The following AKAP1 variants were observed in gnomAD, a reference collection of about 807,000 sequenced individuals.
The protein encoded by AKAP1 is A-kinase anchor protein 1, mitochondrial.
In AKAP1, 32 loss-of-function variants were observed where a neutral mutation model predicts 79.8. That is an observed-to-expected ratio of 0.40 (90% CI 0.30 to 0.54). The LOEUF (loss-of-function observed/expected upper bound fraction) is 0.54, where lower values mean the gene tolerates loss of function less well. AKAP1 is among the 20% of genes least tolerant of loss of function. The pLI, the probability that AKAP1 is intolerant of heterozygous loss-of-function variation, is 0.47. For missense variants in AKAP1, 961 were observed against 1,138.9 expected (o/e 0.84, Z 2.25); for synonymous variants, 416 against 466.7 (o/e 0.89, Z 1.40).
At chr17:57,087,753 A>G (rs1913548521) in intron 1 of AKAP1, among the ~76,000 whole-genome samples, 1 of 152,206 alleles carries the variant, frequency 6.6e-6, no homozygotes. Context: ...TTTGGGAGGA[A>G]AAACGAATTG....
intron 10 of AKAP1, 47 bp from the exon 11 acceptor site, chr17:57,120,203 C>T: frequency 6.4e-7 from 1 of 1,571,982 alleles, no homozygotes; most frequent in Non-Finnish European, 8.7e-7. Flanking sequence ...AGGGAGATGG[C>T]CCCAGGATGC....
rs755414007 is a variant in AKAP1, at chr17:57,120,250, G to A, written c.2638G>A (p.Val880Met). The A allele has an allele frequency of 6.2e-7, 1 of 1,612,560 alleles. No homozygotes were observed. Among genetic ancestry groups the A allele is most frequent in the Non-Finnish European group, 8.5e-7 (1 of 1,179,454 alleles). The stretch of plus-strand genomic sequence containing the variant: ...GCTTTAAGGGAACTTTCTTTTCTAG[G>A]TGGTGTTGATAAACCGGTCCCTGGT... ...IQLWSVVGDE[V>M]VLINRSLVER... The change falls in exon 11 of 11, where the codon GTG becomes ATG. Residue 880 changes from valine to methionine, a missense_variant and splice_region_variant. This residue lies in a region of AKAP1 where 629 missense variants were observed against 781.1 expected (regional missense o/e 0.81). Coordinates refer to ENST00000337714, the MANE Select transcript of AKAP1 (RefSeq NM_003488.4).
chr17:57,116,529 C>G (rs992792398), intron 7 of AKAP1, among the ~76,000 whole-genome samples: 1 of 152,188 alleles, frequency 6.6e-6, no homozygotes, highest in Non-Finnish European at 1.5e-5. Flanking sequence ...CAAATCCCAG[C>G]GCTTTGGGAG....
In AKAP1 at chr17:57,114,477, A is replaced by C; in HGVS notation, c.2122A>C (p.Ile708Leu). ...TCTACAGCTCATGCTGCCTGATGGCATCACCGTGGAGGTCATTGTGGTCAA... is the reference window on the plus strand; with the variant it reads ...TCTACAGCTCATGCTGCCTGATGGCCTCACCGTGGAGGTCATTGTGGTCAA... ...MTSWLMLPDGITVEVIVVNQV... is the reference protein window; with the variant it reads ...MTSWLMLPDGLTVEVIVVNQV... The change falls in exon 6 of 11, where the codon ATC becomes CTC. Residue 708 changes from isoleucine (I) to leucine (L), a missense_variant. Coordinates refer to ENST00000337714, the MANE Select transcript of AKAP1 (RefSeq NM_003488.4). 2.5e-6 allele frequency: 4 copies of C among 1,614,102 alleles called. No individual in the cohort carries two copies. Among genetic ancestry groups the C allele is most frequent in the Non-Finnish European group, 3.4e-6 (4 of 1,180,020 alleles).
chr17:57,118,358 C>T (rs201559689), intron 8 of AKAP1, 23 bp from the exon 9 acceptor site: 67 of 1,613,086 alleles, frequency 4.2e-5, no homozygotes, highest in African/African-American at 2.8e-4. Flanking sequence ...GCCTAAATGC[C>T]GCTTTTCCTT....
chr17:57,100,389 C>T (rs372581242), intron 1 of AKAP1, among the ~76,000 whole-genome samples: 1 of 152,062 alleles, frequency 6.6e-6, no homozygotes, highest in Admixed American at 6.5e-5. Context: ...AGTTCGAGCC[C>T]AGCCTGGCCA....
In AKAP1 at chr17:57,116,203, C is replaced by G. The variant is rs1340738647; in HGVS notation, c.2374C>G (p.Arg792Gly). 1 of 1,614,174 alleles carries G rather than the reference C, an allele frequency of 6.2e-7. No individual in the cohort carries two copies. The highest frequency in any genetic ancestry group is 1.1e-5 in the South Asian group (1 of 91,088). The change falls in exon 7 of 11, where the codon CGA (arginine) becomes GGA (glycine). Residue 792 changes from arginine (R) to glycine (G), a missense_variant. This residue lies in a region of AKAP1 where 629 missense variants were observed against 781.1 expected (regional missense o/e 0.81). Coordinates refer to ENST00000337714, the MANE Select transcript of AKAP1 (RefSeq NM_003488.4). ...CGAGGAGACCAACGAAGTGGAGATT[C>G]GATACGTGGACTACGGCGGATATAA... is the stretch of plus-strand genomic sequence containing the variant. Reference protein sequence around the residue: ...SYEETNEVEIRYVDYGGYKRV... With the variant: ...SYEETNEVEIGYVDYGGYKRV...
chr17:57,109,874 T>A (rs1281579254), intron 2 of AKAP1, 151 bp from the exon 3 acceptor site: 1 of 1,025,902 alleles, frequency 9.7e-7, no homozygotes. Flanking sequence ...GTTCTGAGCC[T>A]TCTAGACTGT....
At chr17:57,103,180 C>T (rs980310554) in intron 1 of AKAP1, among the ~76,000 whole-genome samples, 3 of 152,232 alleles carry the variant, frequency 2.0e-5, no homozygotes, top group Admixed American at 1.3e-4. Context: ...CACTGCCTAG[C>T]CCTGCATTGT....
chr17:57,092,270 C>T (rs1308696029), intron 1 of AKAP1: 1 of 152,234 alleles, frequency 6.6e-6, no homozygotes, highest in Admixed American at 6.5e-5. Flanking sequence ...CTCCTTCCCT[C>T]TAACTTGGAG....
intron 1 of AKAP1, among the ~76,000 whole-genome samples, chr17:57,089,634 G>C (rs1022468535): frequency 2.6e-5 from 4 of 152,086 alleles, no homozygotes; most frequent in Non-Finnish European, 4.4e-5. Context: ...AACTCTAAAA[G>C]CTTAATTGTC....
Position 57,118,454 on chromosome 17 carries a change from G to C in AKAP1, c.2574G>C (p.Gln858His). The change falls in exon 9 of 11, where the codon CAG (glutamine) becomes CAC (histidine). Residue 858 changes from glutamine to histidine, a missense_variant and splice_region_variant. This residue lies in a region of AKAP1 where 629 missense variants were observed against 781.1 expected (regional missense o/e 0.81). Coordinates refer to ENST00000337714, the MANE Select transcript of AKAP1 (RefSeq NM_003488.4). ...CGGGGAATACAGCACTGCTTGCTCA[G>C]GTGTGTGGTTGGCAGGGGTGGGGGA... ...EMTGNTALLAQVTSYSPTGLP... is the reference protein window; with the variant it reads ...EMTGNTALLAHVTSYSPTGLP... 6.2e-7 allele frequency: 1 copy of C among 1,614,034 alleles called. No homozygotes were observed. The highest frequency in any genetic ancestry group is 1.1e-5 in the South Asian group (1 of 91,078).
intron 7 of AKAP1, 59 bp from the exon 8 acceptor site, chr17:57,116,801 C>CTT: frequency 6.7e-7 from 1 of 1,484,816 alleles, no homozygotes; most frequent in South Asian, 1.1e-5. Context: ...TGAATACTGG[C>CTT]TTGGAGTGGA....
rs1915317406 is a variant in AKAP1, at chr17:57,112,574, C to T, written c.2059C>T (p.Pro687Ser). ...GAACCTCACCAATATCTACGCTCCC[C>T]CATTGCCTTCACTGGCACTGCCTTC... ...ELNLTNIYAPPLPSLALPSLP... is the reference protein window; with the variant it reads ...ELNLTNIYAPSLPSLALPSLP... The change falls in exon 5 of 11, where the codon CCA becomes TCA. Residue 687 changes from proline to serine, a missense_variant. Coordinates refer to ENST00000337714, the MANE Select transcript of AKAP1 (RefSeq NM_003488.4). 6.2e-7 allele frequency: 1 copy of T among 1,614,142 alleles called. No individual in the cohort carries two copies. Among genetic ancestry groups the T allele is most frequent in the Non-Finnish European group, 8.5e-7 (1 of 1,180,018 alleles).
At position 57,114,572 on chromosome 17, in the gene AKAP1, C is replaced by T. The variant is rs574569393; in HGVS notation, c.2217C>T (p.Leu739=). The stretch of plus-strand genomic sequence containing the variant: ...CTACCTTCCACGCGCTGCGCAGCCT[C>T]GACCAGCAGATGTACCTCTGTTACT... ...THPTFHALRS[L]DQQMYLCYSQ... is the part of the protein sequence containing the mutation. Residue 739 remains leucine (L), a synonymous_variant, in exon 6 of 11, where the codon CTC becomes CTT. Transcript: ENST00000337714. The T allele has an allele frequency of 7.4e-6, 12 of 1,614,176 alleles. No homozygotes were observed. The highest frequency in any genetic ancestry group is 1.3e-5 in the African/African-American group (1 of 75,050).
intron 5 of AKAP1, 86 bp from the exon 6 acceptor site, chr17:57,114,373 A>C: frequency 6.6e-7 from 1 of 1,508,612 alleles, no homozygotes. Context: ...ATGCTAGCCC[A>C]GAGACTTGCC....
chr17:57,108,630 C>A (rs1915043838), intron 2 of AKAP1, among the ~76,000 whole-genome samples: 2 of 152,148 alleles, frequency 1.3e-5, no homozygotes, highest in African/African-American at 4.8e-5. Context: ...GTAATACTGT[C>A]CACGAGCATG....
chr17:57,093,257 C>T (rs751606092), intron 1 of AKAP1: 1 of 152,192 alleles, frequency 6.6e-6, no homozygotes, highest in Non-Finnish European at 1.5e-5. Flanking sequence ...ATATTTAAGT[C>T]GCGGAATCTT....
intron 1 of AKAP1, among the ~76,000 whole-genome samples, chr17:57,091,134 A>C (rs1250418466): frequency 6.6e-6 from 1 of 152,234 alleles, no homozygotes; most frequent in African/African-American, 2.4e-5. Context: ...CACTCCCAAG[A>C]AAAAGGAGCA....
Sources: gnomAD v4.1 joint callset for allele counts (sites outside exome capture counted in the v4.1 genomes callset) on GRCh38, gnomAD v4.1.1 for gene constraint, gnomAD v4.1.1 regional missense constraint, MANE v1.5 for transcripts, NCBI Gene and HGNC (gene_info 2026-07-23, HGNC 2026-07-21) for gene names.